Variants in PRDM8 observed in about 807,000 individuals in gnomAD.
The protein encoded by PRDM8 is PR domain zinc finger protein 8.
PRDM8 carries 13 observed loss-of-function variants against 46.5 expected under a neutral mutation model. That is an observed-to-expected ratio of 0.28 (90% CI 0.18 to 0.44). PRDM8 has a LOEUF of 0.44. Among genes scored for constraint, PRDM8 ranks in the 20% least tolerant of loss-of-function variants. The probability of loss-of-function intolerance (pLI) is 1.00; values close to 1 mark genes in which losing one functional copy is unlikely to be tolerated. For missense variants in PRDM8, 998 were observed against 955.0 expected (o/e 1.04, Z -0.59); for synonymous variants, 473 against 438.4 (o/e 1.08, Z -0.98).
chr4:80,201,173 A>G (rs1222914142), intron 2 of PRDM8, 117 bp from the exon 3 acceptor site: 2 of 1,006,312 alleles, frequency 2.0e-6, no homozygotes, highest in Non-Finnish European at 1.5e-6. Context: ...GGTCTCAGAC[A>G]ATTTTTGGAA....
At position 80,203,688 on chromosome 4, in the gene PRDM8, C is replaced by A; in HGVS notation, c.*156C>A. ...CCCCCGCCCCCCCAACGCGCACACA[C>A]ACGTCCTCTCCTCCCAGGAACCTCA... On this transcript the variant is annotated 3_prime_UTR_variant, in exon 4 of 4. Coordinates refer to ENST00000415738, the MANE Select transcript of PRDM8 (RefSeq NM_001099403.2). 1 of 1,320,430 alleles carries A rather than the reference C, an allele frequency of 7.6e-7. No individual in the cohort carries two copies. The highest frequency in any genetic ancestry group is 9.9e-7 in the Non-Finnish European group (1 of 1,008,180). 81.8% of individuals were successfully genotyped at this position (1,320,430 alleles called of 1,614,324 possible). A position where few individuals can be genotyped will look rare whatever the true frequency, so the allele number is the denominator to read the frequency against.
chr4:80,199,737 G>GTGTGTGTGTGTGTATA (rs1553905032), intron 1 of PRDM8, among the ~76,000 whole-genome samples: 1 of 140,514 alleles, frequency 7.1e-6, no homozygotes, highest in Admixed American at 7.3e-5. Flanking sequence ...GTGTGTGTGT[G>GTGTGTGTGTGTGTATA]TACATATATA....
chr4:80,192,977 T>C (rs1378957548), upstream of PRDM8, among the ~76,000 whole-genome samples: 3 of 152,204 alleles, frequency 2.0e-5, no homozygotes, highest in African/African-American at 4.8e-5. Flanking sequence ...CAAGTGTAAG[T>C]AAAACTTGGG....
upstream of PRDM8, chr4:80,197,276 G>A (rs1738029382): frequency 3.1e-6 from 3 of 979,774 alleles, no homozygotes; most frequent in South Asian, 1.4e-4. Flanking sequence ...GAGGGCCCGA[G>A]CTTTAGGAGG....
intron 1 of PRDM8, 24 bp from the exon 2 acceptor site, chr4:80,200,055 C>A: frequency 6.3e-7 from 1 of 1,582,984 alleles, no homozygotes; most frequent in Admixed American, 1.7e-5. Flanking sequence ...AACTCACTTT[C>A]TTGTGCTGTG....
chr4:80,185,953 G>A (rs1453024391), intron 1 of PRDM8, among the ~76,000 whole-genome samples: 2 of 152,200 alleles, frequency 1.3e-5, no homozygotes, highest in South Asian at 2.1e-4. Context: ...TGCTGCATGG[G>A]TGGGCGCTGT....
chr4:80,202,203 C>T lies in PRDM8; in HGVS notation c.741C>T (p.Ser247=), dbSNP rs1342526396. Residue 247 remains serine (S), a synonymous_variant, in exon 4 of 4, where the codon TCC becomes TCT. Transcript: ENST00000415738. ...CCTCCCCGGAAAGCAGCAACCCATC[C>T]GCTGCCGCCGGCGGCAGCAGCGCGA... The part of the protein sequence containing the change: ...PSPSPESSNP[S]AAAGGSSAKP... The T allele has an allele frequency of 6.2e-7, 1 of 1,612,140 alleles. No homozygotes were observed. Among genetic ancestry groups the T allele is most frequent in the Non-Finnish European group, 8.5e-7 (1 of 1,179,790 alleles).
At position 80,203,161 on chromosome 4, in the gene PRDM8, G is replaced by A. The variant is rs754910768; in HGVS notation, c.1699G>A (p.Gly567Ser). Residue 567 changes from glycine to serine, a missense_variant, in exon 4 of 4, where the codon GGC becomes AGC. Gly to Ser is a moderately conservative substitution (Grantham distance 56). Coordinates refer to ENST00000415738, the MANE Select transcript of PRDM8 (RefSeq NM_001099403.2). ...TTGCGGGTCCCTGCCGAGCGGCGGCGGCGGCCTGCCTAAGCAGAGCCCCTT... is the reference window on the plus strand; with the variant it reads ...TTGCGGGTCCCTGCCGAGCGGCGGCAGCGGCCTGCCTAAGCAGAGCCCCTT... ...GGCGSLPSGGGGLPKQSPFLY... is the reference protein window; with the variant it reads ...GGCGSLPSGGSGLPKQSPFLY... 6.5e-7 allele frequency: 1 copy of A among 1,543,336 alleles called. No individual in the cohort carries two copies. Among genetic ancestry groups the A allele is most frequent in the South Asian group, 1.2e-5 (1 of 84,736 alleles).
rs748579277 is a variant in PRDM8, at chr4:80,202,018, G to C, written c.556G>C (p.Asp186His). The change falls in exon 4 of 4, where the codon GAT becomes CAT. Residue 186 changes from aspartate to histidine, a missense_variant. Transcript: ENST00000415738. The part of the protein sequence containing the change: ...FRCPKRLHSA[D>H]ISPQDEQGGG... ...CTGCCCCAAGAGACTTCACAGCGCT[G>C]ATATAAGTCCCCAAGACGAACAAGG... 1.5e-5 allele frequency: 25 copies of C among 1,614,178 alleles called. No individual in the cohort carries two copies. The South Asian group carries it at 2.3e-4, about 15-fold the overall frequency.
At position 80,203,516 on chromosome 4, in the gene PRDM8, T is replaced by C; in HGVS notation, c.2054T>C (p.Met685Thr). The C allele has an allele frequency of 6.2e-7, 1 of 1,610,656 alleles. No homozygotes were observed. Among genetic ancestry groups the C allele is most frequent in the Non-Finnish European group, 8.5e-7 (1 of 1,178,138 alleles). The change falls in exon 4 of 4, where the codon ATG becomes ACG. Residue 685 changes from methionine to threonine, a missense_variant. Met to Thr is a moderately conservative substitution (Grantham distance 81). Transcript: ENST00000415738. ...GAGCGCCACCACCTCTCCAGGCACATGACCTCGCATAATTGACTCGGAAAG... is the reference window on the plus strand; with the variant it reads ...GAGCGCCACCACCTCTCCAGGCACACGACCTCGCATAATTGACTCGGAAAG... Reference protein sequence around the residue: ...FRERHHLSRHMTSHN With the variant: ...FRERHHLSRHTTSHN
At chr4:80,196,907 C>A, upstream of PRDM8, 1 of 985,358 alleles carries the variant, frequency 1.0e-6, no homozygotes, top group Non-Finnish European at 1.2e-6. Context: ...ATCTCCCAAG[C>A]CACGGGAAGG....
intron 1 of PRDM8, among the ~76,000 whole-genome samples, chr4:80,199,737 G>GTGTGTGTGTGTA (rs1553905032): frequency 0.053 from 7,487 of 140,106 alleles, 326 homozygotes; most frequent in East Asian, 0.19. Flanking sequence ...GTGTGTGTGT[G>GTGTGTGTGTGTA]TACATATATA....
chr4:80,196,155 CA>C (rs1737943530), upstream of PRDM8: 9 of 935,070 alleles, frequency 9.6e-6, no homozygotes, highest in South Asian at 4.9e-5. Context: ...TCCCCAAATA[CA>C]TTATTTCAAC....
At chr4:80,196,567 C>T (rs778298557), upstream of PRDM8, 162 of 985,292 alleles carry the variant, frequency 1.6e-4, no homozygotes, top group Non-Finnish European at 1.8e-4. Flanking sequence ...CTCCACCACC[C>T]GCTGGATGTG....
chr4:80,187,934 T>C (rs17530504), intron 1 of PRDM8, among the ~76,000 whole-genome samples: 24,114 of 152,242 alleles, frequency 0.16, 2,038 homozygotes, highest in Non-Finnish European at 0.18. Context: ...ATTTTTGAAA[T>C]GTCATTTTCT....
At position 80,202,577 on chromosome 4, in the gene PRDM8, C is replaced by T. The variant is rs1487729897; in HGVS notation, c.1115C>T (p.Ala372Val). The T allele has an allele frequency of 1.3e-6, 2 of 1,534,216 alleles. No individual in the cohort carries two copies. The highest frequency in any genetic ancestry group is 1.7e-6 in the Non-Finnish European group (2 of 1,146,242). Residue 372 changes from alanine to valine, a missense_variant, in exon 4 of 4, where the codon GCG becomes GTG. Physicochemically the swap from Ala to Val is moderately conservative, Grantham distance 64 (BLOSUM62 0). Coordinates refer to ENST00000415738, the MANE Select transcript of PRDM8 (RefSeq NM_001099403.2). ...FGLEENGRLF[A>V]PPSPETGEAK... ...CTGGAAGAGAACGGCCGCCTCTTCGCGCCGCCAAGTCCCGAGACGGGCGAG... is the reference window on the plus strand; with the variant it reads ...CTGGAAGAGAACGGCCGCCTCTTCGTGCCGCCAAGTCCCGAGACGGGCGAG...
intron 1 of PRDM8, among the ~76,000 whole-genome samples, chr4:80,185,964 C>A (rs1364216792): frequency 2.0e-5 from 3 of 152,156 alleles, no homozygotes; most frequent in Non-Finnish European, 4.4e-5. Context: ...TGGGCGCTGT[C>A]CACCGAAGCT....
upstream of PRDM8, chr4:80,197,351 C>G: frequency 1.0e-6 from 1 of 961,862 alleles, no homozygotes; most frequent in Non-Finnish European, 1.2e-6. Flanking sequence ...ATCTGCGGGG[C>G]GCGGGCAGGC....
In PRDM8 at chr4:80,202,710, TGGCGGC is replaced by T. The variant is rs1024186691; in HGVS notation, c.1258_1263del (p.Gly420_Gly421del). ...GAGTCGCCTCCGAGGACCAGGACGC[TGGCGGC>T]GGCGGCGGCTCCTCCACGCCCGCGG... On this transcript the variant is annotated inframe_deletion, in exon 4 of 4. Transcript: ENST00000415738. 1.6e-6 allele frequency: 2 copies of T among 1,273,418 alleles called. No individual in the cohort carries two copies. The highest frequency in any genetic ancestry group is 2.0e-6 in the Non-Finnish European group (2 of 1,012,880). The allele number at this position is 1,273,418 out of a possible 1,614,324, so 78.9% of individuals were successfully genotyped here.
Sources: allele counts gnomAD v4.1 joint callset (sites outside exome capture counted in the v4.1 genomes callset), GRCh38; gene constraint gnomAD v4.1.1; transcripts MANE v1.5; gene names NCBI Gene and HGNC (gene_info 2026-07-23, HGNC 2026-07-21).